The following KIF2A variants were observed in gnomAD, a reference collection of about 807,000 sequenced individuals.
KIF2A encodes the protein kinesin family member 2A, also known as kinesin-like protein KIF2A.
A neutral mutation model predicts 100.2 loss-of-function variants in KIF2A; 22 were observed. The ratio of observed to expected loss-of-function variants is 0.22; its 90% CI spans 0.16 to 0.31. The LOEUF is 0.31. Among genes scored for constraint, KIF2A ranks in the 10% least tolerant of loss-of-function variants. The probability of loss-of-function intolerance (pLI) is 1.00; values close to 1 mark genes in which losing one functional copy is unlikely to be tolerated. For synonymous variants in KIF2A, 268 were observed against 285.9 expected (o/e 0.94, Z 0.63); for missense variants, 495 against 898.7 (o/e 0.55, Z 5.74).
At chr5:62,376,406 T>TTTG (rs1561281205) in intron 18 of KIF2A, among the ~76,000 whole-genome samples, 1 of 151,424 alleles carries the variant, frequency 6.6e-6, no homozygotes, top group Admixed American at 6.6e-5. Flanking sequence ...GAGAAGTTTT[T>TTTG]TTTGTTTGTT....
chr5:62,325,114 G>GCTTTTCTTTT (rs200212876), intron 1 of KIF2A, among the ~76,000 whole-genome samples: 1 of 151,844 alleles, frequency 6.6e-6, no homozygotes, highest in Non-Finnish European at 1.5e-5. Context: ...CTGTTGTAAA[G>GCTTTTCTTTT]CTTTTCTTTT....
chr5:62,359,205 A>T (rs998162262), intron 9 of KIF2A, among the ~76,000 whole-genome samples: 4 of 152,304 alleles, frequency 2.6e-5, no homozygotes, highest in African/African-American at 9.6e-5. Flanking sequence ...TTAGATTTTC[A>T]TACGTAAGTT....
Position 62,389,209 on chromosome 5 carries a change from G to A in KIF2A, c.*3640G>A, listed in dbSNP as rs1742177373. ...GTTATTAAAGAAACGTTACTGGCTGGGCGCAGTGGCTTATGCCTGTAATCC... is the reference window on the plus strand; with the variant it reads ...GTTATTAAAGAAACGTTACTGGCTGAGCGCAGTGGCTTATGCCTGTAATCC... On this transcript the variant is annotated 3_prime_UTR_variant, in exon 21 of 21. Transcript: ENST00000407818. Among the ~76,000 whole-genome samples, 1 of 151,950 alleles carries A rather than the reference G, an allele frequency of 6.6e-6. No homozygotes were observed. The highest frequency in any genetic ancestry group is 2.4e-5 in the African/African-American group (1 of 41,216).
intron 1 of KIF2A, among the ~76,000 whole-genome samples, chr5:62,337,624 G>A (rs927943329): frequency 7.9e-5 from 12 of 152,210 alleles, no homozygotes; most frequent in Admixed American, 7.8e-4. Flanking sequence ...CTTGAGACCA[G>A]AAGTTAAAGA....
intron 1 of KIF2A, 21 bp from the exon 2 acceptor site, chr5:62,347,109 G>A (rs760213648): frequency 1.2e-5 from 17 of 1,409,004 alleles, no homozygotes; most frequent in Middle Eastern, 1.7e-4. Flanking sequence ...TTTTTAAGGT[G>A]TATACTTTAT....
At chr5:62,378,612 C>T (rs555040967) in intron 19 of KIF2A, among the ~76,000 whole-genome samples, 1 of 152,246 alleles carries the variant, frequency 6.6e-6, no homozygotes, top group Non-Finnish European at 1.5e-5. Context: ...TTAGGATACA[C>T]GTTCATTAAA....
rs540456298 is a variant in KIF2A, at chr5:62,379,387, G to T, written c.2013+1625G>T. 1.7e-4 allele frequency among the ~76,000 whole-genome samples: 25 copies of T among 151,090 alleles called. 1 individual carries two copies. Among genetic ancestry groups the T allele is most frequent in the Non-Finnish European group, 3.1e-4 (21 of 67,710 alleles). ...AAGAAAAATTGGAGTGTATGACCAGGCGTGGTGGCTCACACCTGTAATCCC... is the reference window on the plus strand; with the variant it reads ...AAGAAAAATTGGAGTGTATGACCAGTCGTGGTGGCTCACACCTGTAATCCC... On this transcript the variant is annotated intron_variant, in intron 19 of 20. Coordinates refer to ENST00000407818, the MANE Select transcript of KIF2A (RefSeq NM_001098511.3).
chr5:62,335,311 G>C (rs1013333999), intron 1 of KIF2A, among the ~76,000 whole-genome samples: 22 of 152,314 alleles, frequency 1.4e-4, no homozygotes, highest in African/African-American at 5.1e-4. Flanking sequence ...GAGAGACCCA[G>C]TGCCCTGCTA....
intron 19 of KIF2A, among the ~76,000 whole-genome samples, chr5:62,378,754 C>CA (rs910756287): frequency 1.3e-5 from 2 of 151,354 alleles, no homozygotes; most frequent in African/African-American, 4.9e-5. Flanking sequence ...CCTGTCTCTA[C>CA]AAAAAATACA....
chr5:62,341,271 TGAG>T (rs1196705201), intron 1 of KIF2A, among the ~76,000 whole-genome samples: 2 of 152,112 alleles, frequency 1.3e-5, no homozygotes, highest in African/African-American at 4.8e-5. Flanking sequence ...GTTCCAATAT[TGAG>T]GAGACTGCTG....
At chr5:62,372,955 G>A (rs1264611570) in intron 17 of KIF2A, among the ~76,000 whole-genome samples, 1 of 151,848 alleles carries the variant, frequency 6.6e-6, no homozygotes, top group Non-Finnish European at 1.5e-5. Flanking sequence ...ACCCTCTTTT[G>A]GCCGGGCGTG....
At chr5:62,349,014 A>G (rs919640867) in intron 3 of KIF2A, among the ~76,000 whole-genome samples, 9 of 152,188 alleles carry the variant, frequency 5.9e-5, no homozygotes, top group Non-Finnish European at 1.3e-4. Flanking sequence ...TTCATAAACT[A>G]TGCAGTTGAA....
rs1427481938 is a variant in KIF2A at position 62,385,401 on chromosome 5, C to G, written c.2150-83C>G. 3.4e-6 allele frequency: 3 copies of G among 889,376 alleles called. No homozygotes were observed. In the African/African-American group the frequency reaches 5.0e-5, roughly 15 times the overall value. The allele number at this position is 889,376 out of a possible 1,614,324, so 55.1% of individuals were successfully genotyped here. A position where few individuals can be genotyped will look rare whatever the true frequency, so the allele number is the denominator to read the frequency against. ...GAGTTACTGTTAGGAAATAACACAG[C>G]TGACTTGATTGAACCCATAAAGTTG... On this transcript the variant is annotated intron_variant, in intron 20 of 20. Coordinates refer to ENST00000407818, the MANE Select transcript of KIF2A (RefSeq NM_001098511.3).
chr5:62,369,676 T>TTTCAGTAA (rs869311895), intron 16 of KIF2A, among the ~76,000 whole-genome samples: 2 of 40,228 alleles, frequency 5.0e-5, no homozygotes, highest in Non-Finnish European at 8.6e-5. Context: ...GAGTCAGTAA[T>TTTCAGTAA]TTTTTTTTTT....
intron 6 of KIF2A, among the ~76,000 whole-genome samples, chr5:62,353,582 A>G (rs1747959172): frequency 6.6e-6 from 1 of 152,120 alleles, no homozygotes; most frequent in African/African-American, 2.4e-5. Flanking sequence ...TTCATGTTTT[A>G]TTGGTATGTG....
chr5:62,349,820 A>G (rs1747760669), intron 3 of KIF2A, among the ~76,000 whole-genome samples: 1 of 152,204 alleles, frequency 6.6e-6, no homozygotes, highest in South Asian at 2.1e-4. Flanking sequence ...TGTTGTGAAG[A>G]AAGTCCTTAG....
intron 1 of KIF2A, among the ~76,000 whole-genome samples, chr5:62,314,417 T>C: frequency 6.6e-6 from 1 of 152,058 alleles, no homozygotes; most frequent in Non-Finnish European, 1.5e-5. Flanking sequence ...TGAGCTATGA[T>C]CATGCCACTG....
At chr5:62,342,885 T>TG (rs1244363730) in intron 1 of KIF2A, among the ~76,000 whole-genome samples, 1 of 152,084 alleles carries the variant, frequency 6.6e-6, no homozygotes, top group Non-Finnish European at 1.5e-5. Flanking sequence ...CCTGAGTAGC[T>TG]GGGATTACAG....
chr5:62,388,864 A>G lies in KIF2A; in HGVS notation c.*3295A>G. ...CTTTCCAACTTTAAAATTCAGAATC[A>G]TAAATGGTGACAACAGTAGTAGTAT... On this transcript the variant is annotated 3_prime_UTR_variant, in exon 21 of 21. Transcript: ENST00000407818. The G allele has an allele frequency of 1.4e-6, 1 of 713,398 alleles. No homozygotes were observed. 44.2% of individuals were successfully genotyped at this position (713,398 alleles called of 1,614,324 possible).
Sources: gnomAD v4.1 joint callset for allele counts (sites outside exome capture counted in the v4.1 genomes callset) on GRCh38, gnomAD v4.1.1 for gene constraint, MANE v1.5 for transcripts, NCBI Gene and HGNC (gene_info 2026-07-23, HGNC 2026-07-21) for gene names.